Variants in SULF1 observed in about 807,000 individuals in gnomAD.
The protein encoded by SULF1 is sulfatase 1, also known as extracellular sulfatase Sulf-1.
A neutral mutation model predicts 110.5 loss-of-function variants in SULF1; 46 were observed. That is an observed-to-expected ratio of 0.42 (90% CI 0.33 to 0.53). The LOEUF (loss-of-function observed/expected upper bound fraction) is 0.53. Among genes scored for constraint, SULF1 ranks in the 20% least tolerant of loss-of-function variants. SULF1 has a pLI of 0.12. For missense variants in SULF1, 941 were observed against 1,094.2 expected, an observed-to-expected ratio of 0.86 and a Z score of 1.98; for synonymous variants, 371 against 387.1, an observed-to-expected ratio of 0.96 and a Z score of 0.49.
At chr8:69,527,394 A>G (rs1327667648) in intron 3 of SULF1, among the ~76,000 whole-genome samples, 1 of 152,054 alleles carries the variant, frequency 6.6e-6, no homozygotes, top group East Asian at 1.9e-4. Flanking sequence ...ATTGGGGGCA[A>G]GCGGAAAGAC....
At chr8:69,608,822 C>T (rs1225733607) in intron 13 of SULF1, among the ~76,000 whole-genome samples, 1 of 152,204 alleles carries the variant, frequency 6.6e-6, no homozygotes, top group African/African-American at 2.4e-5. Context: ...TGCATTACTT[C>T]CACGTTCCTG....
At chr8:69,545,038 A>G (rs1814150710) in intron 3 of SULF1, among the ~76,000 whole-genome samples, 1 of 151,988 alleles carries the variant, frequency 6.6e-6, no homozygotes, top group Non-Finnish European at 1.5e-5. Flanking sequence ...TCATGGCATA[A>G]TAAAATATAC....
In SULF1 at chr8:69,546,689, A is replaced by G. The variant is rs553136577; in HGVS notation, c.-133-16850A>G. 3.9e-4 allele frequency among the ~76,000 whole-genome samples: 59 copies of G among 152,334 alleles called. 1 individual carries two copies. The highest frequency in any genetic ancestry group is 1.3e-3 in the African/African-American group (55 of 41,588). On this transcript the variant is annotated intron_variant, in intron 3 of 22. Transcript: ENST00000402687. ...ATCCTTGAGTGATTTACTCTGAGCT[A>G]TTTTGTAGACATATTGTTACCAAAA...
At chr8:69,644,550 C>A (rs1811732816) in intron 22 of SULF1, among the ~76,000 whole-genome samples, 1 of 151,850 alleles carries the variant, frequency 6.6e-6, no homozygotes, top group African/African-American at 2.4e-5. Context: ...CCGAGGCAGG[C>A]AGATCACGAG....
chr8:69,657,497 C>T (rs1052357782), intron 22 of SULF1, among the ~76,000 whole-genome samples: 2 of 152,240 alleles, frequency 1.3e-5, no homozygotes, highest in Admixed American at 6.5e-5. Flanking sequence ...TTTCCACCAA[C>T]AGCCTCCAAT....
chr8:69,573,784 A>C (rs1805410144), intron 5 of SULF1, among the ~76,000 whole-genome samples: 1 of 152,214 alleles, frequency 6.6e-6, no homozygotes, highest in African/African-American at 2.4e-5. Flanking sequence ...AAAATGCAAC[A>C]TTTCTAAAAT....
At chr8:69,508,920 A>T (rs1221624459) in intron 3 of SULF1, among the ~76,000 whole-genome samples, 2 of 152,132 alleles carry the variant, frequency 1.3e-5, no homozygotes, top group Admixed American at 1.3e-4. Context: ...ATCTCTCTTC[A>T]TGGTAAGTAG....
At chr8:69,580,666 T>C (rs1170486713) in intron 6 of SULF1, among the ~76,000 whole-genome samples, 1 of 152,186 alleles carries the variant, frequency 6.6e-6, no homozygotes, top group Non-Finnish European at 1.5e-5. Flanking sequence ...TCCTAACACA[T>C]GGTACATAAA....
intron 6 of SULF1, among the ~76,000 whole-genome samples, chr8:69,577,991 G>T (rs7825683): frequency 1.3e-5 from 2 of 152,150 alleles, no homozygotes; most frequent in East Asian, 3.8e-4. Context: ...CAAAGAGTAG[G>T]ACTAGCTAAA....
chr8:69,474,307 C>T (rs528392889), intron 1 of SULF1, among the ~76,000 whole-genome samples: 13 of 152,282 alleles, frequency 8.5e-5, no homozygotes, highest in African/African-American at 2.4e-4. Context: ...CTTCAAACTC[C>T]TATCACAAAT....
At chr8:69,618,127 C>G (rs1809319348) in intron 13 of SULF1, among the ~76,000 whole-genome samples, 1 of 152,212 alleles carries the variant, frequency 6.6e-6, no homozygotes, top group Non-Finnish European at 1.5e-5. Flanking sequence ...TTGAGAACCA[C>G]TCATCTGACC....
intron 3 of SULF1, among the ~76,000 whole-genome samples, chr8:69,528,992 A>G (rs1465402046): frequency 6.6e-6 from 1 of 152,214 alleles, no homozygotes; most frequent in Non-Finnish European, 1.5e-5. Flanking sequence ...GGAAATGCTT[A>G]TTAGGAACTT....
rs1254749905 is a variant in SULF1 at position 69,638,532 on chromosome 8, A to T, written c.2315A>T (p.Asn772Ile). Reference sequence around the variant, plus strand: ...TCTTTCTGTGCTTGCACGAGTTCTAACAATAACACCTACTGGTGTTTGCGT... The same window carrying T: ...TCTTTCTGTGCTTGCACGAGTTCTATCAATAACACCTACTGGTGTTTGCGT... ...LGSFCACTSSNNNTYWCLRTV... is the reference protein window; with the variant it reads ...LGSFCACTSSINNTYWCLRTV... Residue 772 changes from asparagine (N) to isoleucine (I), a missense_variant, in exon 20 of 23, where the codon AAC becomes ATC. Transcript: ENST00000402687. 5.0e-6 allele frequency: 8 copies of T among 1,612,996 alleles called. No homozygotes were observed. Among genetic ancestry groups the T allele is most frequent in the Admixed American group, 3.4e-5 (2 of 59,684 alleles).
At chr8:69,491,467 C>T (rs531980928), upstream of SULF1, among the ~76,000 whole-genome samples, 1 of 152,336 alleles carries the variant, frequency 6.6e-6, no homozygotes, top group African/African-American at 2.4e-5. Context: ...GTTGCACTTA[C>T]AGGTCCTCTA....
At chr8:69,585,733 C>T (rs917366859) in intron 6 of SULF1, among the ~76,000 whole-genome samples, 15 of 151,896 alleles carry the variant, frequency 9.9e-5, no homozygotes, top group Admixed American at 6.6e-4. Flanking sequence ...TTTTTATTAT[C>T]GATAATAGAT....
chr8:69,615,880 C>A (rs1378147688), intron 13 of SULF1, among the ~76,000 whole-genome samples: 1 of 152,116 alleles, frequency 6.6e-6, no homozygotes, highest in East Asian at 1.9e-4. Flanking sequence ...ACCCTCAGCT[C>A]CTCCAGGGCA....
At chr8:69,594,125 C>T (rs1307622899) in intron 8 of SULF1, among the ~76,000 whole-genome samples, 1 of 151,930 alleles carries the variant, frequency 6.6e-6, no homozygotes. Context: ...AATCTCGGCT[C>T]ACCACAACCT....
At chr8:69,531,147 C>G (rs1176671762) in intron 3 of SULF1, among the ~76,000 whole-genome samples, 1 of 152,116 alleles carries the variant, frequency 6.6e-6, no homozygotes, top group East Asian at 1.9e-4. Flanking sequence ...ACTAAGCTGC[C>G]CAAACACCAC....
intron 18 of SULF1, among the ~76,000 whole-genome samples, chr8:69,628,634 A>G (rs954593783): frequency 6.6e-6 from 1 of 152,188 alleles, no homozygotes; most frequent in African/African-American, 2.4e-5. Flanking sequence ...AGAAATATAA[A>G]TTTTTTTAAA....
Sources: allele counts gnomAD v4.1 joint callset (sites outside exome capture counted in the v4.1 genomes callset), GRCh38; gene constraint gnomAD v4.1.1; transcripts MANE v1.5; gene names NCBI Gene and HGNC (gene_info 2026-07-23, HGNC 2026-07-21).